ALK: variants seen among roughly 807,000 people sequenced by gnomAD.
ALK encodes the protein ALK receptor tyrosine kinase.
Under a neutral mutation model 163.1 loss-of-function variants are expected in ALK, and 74 were observed. The ratio of observed to expected loss-of-function variants is 0.45; its 90% CI spans 0.38 to 0.55. ALK has a LOEUF of 0.55. ALK is among the 20% of genes least tolerant of loss of function. ALK has a pLI of 0.00. For synonymous variants in ALK, 960 were observed against 843.2 expected (o/e 1.14, Z -2.40); for missense variants, 2,063 against 2,105.3 (o/e 0.98, Z 0.39).
At chr2:29,747,518 C>G (rs1365590275) in intron 1 of ALK, among the ~76,000 whole-genome samples, 4 of 152,182 alleles carry the variant, frequency 2.6e-5, no homozygotes, top group Non-Finnish European at 5.9e-5. Context: ...CAGAGAGGGG[C>G]TGATGTCTCT....
intron 11 of ALK, among the ~76,000 whole-genome samples, chr2:29,269,914 G>T (rs550794322): frequency 6.6e-6 from 1 of 152,226 alleles, no homozygotes; most frequent in African/African-American, 2.4e-5. Context: ...TTACATGTGC[G>T]TGGGAACACT....
rs1249683834 is a variant in ALK, at chr2:29,318,410, A to C, written c.1547-6T>G. The C allele has an allele frequency of 1.3e-6, 2 of 1,599,072 alleles. No homozygotes were observed. Among genetic ancestry groups the C allele is most frequent in the Admixed American group, 1.7e-5 (1 of 59,994 alleles). Reference sequence around the variant, plus strand: ...ACTGAGCAATAGAGCATGGTCTAGGAGAGAGGAAAAGAATCACAAGCACGC... The same window carrying C: ...ACTGAGCAATAGAGCATGGTCTAGGCGAGAGGAAAAGAATCACAAGCACGC... On this transcript the variant is annotated splice_region_variant and splice_polypyrimidine_tract_variant and intron_variant, in intron 7 of 28. Coordinates refer to ENST00000389048, the MANE Select transcript of ALK (RefSeq NM_004304.5).
chr2:29,586,027 C>G (rs931971907), intron 3 of ALK, among the ~76,000 whole-genome samples: 6 of 152,130 alleles, frequency 3.9e-5, no homozygotes, highest in Non-Finnish European at 8.8e-5. Context: ...GCATAAAAAG[C>G]ATGCCTATTT....
Position 29,440,318 on chromosome 2 carries a change from A to ATTTCT in ALK, c.1155-56460_1155-56459insAGAAA, listed in dbSNP as rs780283356. Among the ~76,000 whole-genome samples the ATTTCT allele has an allele frequency of 1.2e-3, 101 of 83,118 alleles. 4 individuals carry two copies. Among genetic ancestry groups the ATTTCT allele is most frequent in the Non-Finnish European group, 2.0e-3 (68 of 33,866 alleles). 54.5% of individuals were successfully genotyped at this position (83,118 alleles called of 152,430 possible). A position where few individuals can be genotyped will look rare whatever the true frequency, so the allele number is the denominator to read the frequency against. On this transcript the variant is annotated intron_variant, in intron 4 of 28. Transcript: ENST00000389048. ...GTTACGTAGGTTACGTGATGAATCA[A>ATTTCT]TTTTTTTTTTTTTTTTTTGAGACGG...
At chr2:29,217,253 C>CGTGTGTGGTGTGTTTT (rs1558619772) in intron 23 of ALK, among the ~76,000 whole-genome samples, 3 of 133,928 alleles carry the variant, frequency 2.2e-5, no homozygotes, top group Non-Finnish European at 4.9e-5. Flanking sequence ...GTGTGATGTA[C>CGTGTGTGGTGTGTTTT]GTGTGTGGTG....
At chr2:29,765,601 C>T (rs112649057) in intron 1 of ALK, among the ~76,000 whole-genome samples, 2,199 of 152,190 alleles carry the variant, frequency 0.014, 46 homozygotes, top group African/African-American at 0.048. Context: ...CATAAGCCAC[C>T]ATGCCTGGCG....
chr2:29,225,377 C>G (rs1165050328), intron 19 of ALK, 84 bp downstream of exon 19: 2 of 1,265,314 alleles, frequency 1.6e-6, no homozygotes, highest in Admixed American at 2.0e-5. Flanking sequence ...GAAGTGACAC[C>G]TTGGCACCTG....
chr2:29,501,890 C>G (rs747025460), intron 4 of ALK, among the ~76,000 whole-genome samples: 2 of 152,156 alleles, frequency 1.3e-5, no homozygotes, highest in Non-Finnish European at 2.9e-5. Flanking sequence ...TACCATTCTA[C>G]TTTCTGTCCA....
intron 4 of ALK, among the ~76,000 whole-genome samples, chr2:29,403,246 A>T (rs1669493460): frequency 1.3e-5 from 2 of 152,172 alleles, no homozygotes; most frequent in Non-Finnish European, 2.9e-5. Flanking sequence ...GCCAAAGCGG[A>T]ATCCTTTGGC....
At chr2:29,828,114 A>G (rs1665252660) in intron 1 of ALK, among the ~76,000 whole-genome samples, 1 of 152,234 alleles carries the variant, frequency 6.6e-6, no homozygotes. Flanking sequence ...GGCTAGCCAT[A>G]TGTAGAAAGC....
At chr2:29,796,098 G>T (rs2879481) in intron 1 of ALK, among the ~76,000 whole-genome samples, 149,325 of 152,288 alleles carry the variant, frequency 0.98, 73,269 homozygotes, top group East Asian at 1. Context: ...ATGAGAAGAC[G>T]TCTAAACAGA....
At chr2:29,711,731 A>G (rs1679108051) in intron 2 of ALK, among the ~76,000 whole-genome samples, 1 of 152,142 alleles carries the variant, frequency 6.6e-6, no homozygotes, top group South Asian at 2.1e-4. Context: ...CGGGAAAAAG[A>G]ATAAATGAAA....
chr2:29,577,035 CT>C (rs1420363611), intron 3 of ALK, among the ~76,000 whole-genome samples: 3 of 152,140 alleles, frequency 2.0e-5, no homozygotes, highest in Non-Finnish European at 4.4e-5. Flanking sequence ...CTCTGCACCC[CT>C]GGTCTGTGGA....
chr2:29,406,670 G>A (rs1669591559), intron 4 of ALK, among the ~76,000 whole-genome samples: 1 of 152,070 alleles, frequency 6.6e-6, no homozygotes, highest in African/African-American at 2.4e-5. Context: ...GGGAGGCCGA[G>A]GTGGGCCAAT....
chr2:29,806,528 A>C (rs1572394682), intron 1 of ALK, among the ~76,000 whole-genome samples: 1 of 152,222 alleles, frequency 6.6e-6, no homozygotes, highest in South Asian at 2.1e-4. Flanking sequence ...AAAATTGCAC[A>C]GTGGCTGAAA....
intron 1 of ALK, among the ~76,000 whole-genome samples, chr2:29,851,338 T>A (rs2148401016): frequency 6.6e-6 from 1 of 152,320 alleles, no homozygotes; most frequent in Middle Eastern, 3.4e-3. Flanking sequence ...CCTTCTACAC[T>A]TGCTCTTCCT....
chr2:29,915,026 A>G (rs574692953), intron 1 of ALK, among the ~76,000 whole-genome samples: 1 of 152,370 alleles, frequency 6.6e-6, no homozygotes, highest in South Asian at 2.1e-4. Flanking sequence ...CATGCTTTAT[A>G]AATTGTAAAG....
intron 4 of ALK, among the ~76,000 whole-genome samples, chr2:29,391,313 G>GGC (rs1553310363): frequency 6.8e-6 from 1 of 147,682 alleles, no homozygotes; most frequent in Non-Finnish European, 1.5e-5. Context: ...TTTGGGGGGG[G>GGC]GGTGGTGGTG....
intron 3 of ALK, among the ~76,000 whole-genome samples, chr2:29,595,243 A>G (rs1244740225): frequency 2.0e-5 from 3 of 151,638 alleles, no homozygotes; most frequent in Middle Eastern, 3.2e-3. Context: ...AAAGTCGCAC[A>G]TGGTTTCAGA....
Sources: gnomAD v4.1 joint callset for allele counts (sites outside exome capture counted in the v4.1 genomes callset) on GRCh38, gnomAD v4.1.1 for gene constraint, MANE v1.5 for transcripts, NCBI Gene and HGNC (gene_info 2026-07-23, HGNC 2026-07-21) for gene names.